Variants in ZZEF1 observed in about 807,000 individuals in gnomAD.
ZZEF1 encodes zinc finger ZZ-type and EF-hand domain-containing protein 1.
In ZZEF1, 157 loss-of-function variants were observed where a neutral mutation model predicts 342.8. That is an observed-to-expected ratio of 0.46 (90% CI 0.40 to 0.52). The LOEUF is 0.52. Among genes scored for constraint, ZZEF1 ranks in the 20% least tolerant of loss-of-function variants. ZZEF1 has a pLI of 0.00. For missense variants in ZZEF1, 3,480 were observed against 3,725.6 expected (o/e 0.93, Z 1.72); for synonymous variants, 1,505 against 1,429.1 (o/e 1.05, Z -1.20).
rs918433609 is a variant in ZZEF1 at position 4,004,919 on chromosome 17, G to C, written c.*1971C>G. ...AAGATCCCAGAACAGCAAGGGCAGT[G>C]GGCGGACAGGTGCTCTGGGGAGCCC... On this transcript the variant is annotated 3_prime_UTR_variant, in exon 55 of 55. Transcript: ENST00000381638. The C allele has an allele frequency of 2.0e-5, 3 of 152,358 alleles. No homozygotes were observed. Among genetic ancestry groups the C allele is most frequent in the Non-Finnish European group, 4.4e-5 (3 of 68,112 alleles). 9.4% of individuals were successfully genotyped at this position (152,358 alleles called of 1,614,324 possible). A position where few individuals can be genotyped will look rare whatever the true frequency, so the allele number is the denominator to read the frequency against.
At chr17:4,049,498 G>A (rs565506065) in intron 37 of ZZEF1, among the ~76,000 whole-genome samples, 5 of 152,244 alleles carry the variant, frequency 3.3e-5, no homozygotes, top group East Asian at 1.9e-4. Flanking sequence ...GGGTGACAGC[G>A]AGACCCTGTT....
intron 6 of ZZEF1, among the ~76,000 whole-genome samples, chr17:4,107,477 C>T (rs575052201): frequency 4.6e-5 from 7 of 152,184 alleles, no homozygotes; most frequent in African/African-American, 1.4e-4. Flanking sequence ...CACAAAGGTA[C>T]GGCCTGATAT....
At chr17:4,100,524 C>T (rs763886584) in intron 9 of ZZEF1, among the ~76,000 whole-genome samples, 13 of 152,198 alleles carry the variant, frequency 8.5e-5, no homozygotes, top group Non-Finnish European at 1.5e-4. Flanking sequence ...ATATTCAAAT[C>T]AGACCAGGCA....
Position 4,032,140 on chromosome 17 carries a change from C to G in ZZEF1, c.6878G>C (p.Arg2293Pro). Reference protein sequence around the residue: ...NRAVIVDVKTRKRKTVKDYQL... With the variant: ...NRAVIVDVKTPKRKTVKDYQL... ...ACGCATGGTACCTGTTTTCCTCTTC[C>G]GAGTTTTGACATCAACAATCACAGC... The change falls in exon 42 of 55, where the codon CGG becomes CCG. Residue 2293 changes from arginine (R) to proline (P), a missense_variant. Around this residue, in one of 5 missense-constraint regions of ZZEF1, gnomAD observed 1,269 missense variants for 1,342.4 expected, o/e 0.95. Coordinates refer to ENST00000381638, the MANE Select transcript of ZZEF1 (RefSeq NM_015113.4). 2 of 1,610,674 alleles carry G rather than the reference C, an allele frequency of 1.2e-6. No homozygotes were observed. The highest frequency in any genetic ancestry group is 1.7e-6 in the Non-Finnish European group (2 of 1,179,044).
chr17:4,043,252 G>A (rs1191851739), intron 38 of ZZEF1, among the ~76,000 whole-genome samples: 1 of 152,184 alleles, frequency 6.6e-6, no homozygotes, highest in Non-Finnish European at 1.5e-5. Context: ...ACCTAGAGGT[G>A]TTTCTGGAGC....
At chr17:4,087,914 A>G (rs1300299591) in intron 13 of ZZEF1, among the ~76,000 whole-genome samples, 1 of 151,970 alleles carries the variant, frequency 6.6e-6, no homozygotes, top group Non-Finnish European at 1.5e-5. Context: ...CAATATACTG[A>G]CGCCTTCCCC....
chr17:4,019,092 C>T (rs1488685411), intron 46 of ZZEF1, among the ~76,000 whole-genome samples: 2 of 151,846 alleles, frequency 1.3e-5, no homozygotes, highest in Non-Finnish European at 2.9e-5. Context: ...CCCTGCTTCA[C>T]CTCATAAAGG....
chr17:4,068,379 G>A (rs2057444032), intron 26 of ZZEF1, among the ~76,000 whole-genome samples: 1 of 152,032 alleles, frequency 6.6e-6, no homozygotes, highest in Non-Finnish European at 1.5e-5. Flanking sequence ...CCGGGTTCAA[G>A]CAATTCAAGC....
At position 4,010,364 on chromosome 17, in the gene ZZEF1, A is replaced by T. The variant is rs992354021; in HGVS notation, c.8580-607T>A. 5.9e-5 allele frequency among the ~76,000 whole-genome samples: 9 copies of T among 152,122 alleles called. No homozygotes were observed. The East Asian group carries it at 1.7e-3, about 29-fold the overall frequency. On this transcript the variant is annotated intron_variant, in intron 52 of 54. Transcript: ENST00000381638. ...GTGAGACCTTGTCTCTTAAAAAAAA[A>T]AAAGTTATGAAGACTTTCCAGTGAC...
At chr17:4,052,963 C>T (rs532049720) in intron 34 of ZZEF1, among the ~76,000 whole-genome samples, 1 of 152,302 alleles carries the variant, frequency 6.6e-6, no homozygotes, top group Admixed American at 6.5e-5. Context: ...CTCCTTCTCA[C>T]TCTAAGGCCC....
intron 2 of ZZEF1, 122 bp from the exon 3 acceptor site, chr17:4,117,288 T>C (rs1404956436): frequency 2.8e-6 from 2 of 723,208 alleles, no homozygotes; most frequent in South Asian, 1.9e-5. Flanking sequence ...TTCATTGATA[T>C]TTTCAGTTTT....
In ZZEF1 at chr17:4,095,819, T is replaced by C; in HGVS notation, c.1913+12A>G. 1 of 1,592,784 alleles carries C rather than the reference T, an allele frequency of 6.3e-7. No homozygotes were observed. The highest frequency in any genetic ancestry group is 1.4e-5 in the African/African-American group (1 of 73,812). On this transcript the variant is annotated intron_variant, in intron 11 of 54. Coordinates refer to ENST00000381638, the MANE Select transcript of ZZEF1 (RefSeq NM_015113.4). ...TAGATCTTTGTTCTACAAAGATTTT[T>C]TACCTTCTTACCTGCTTTTTACAAA...
At position 4,074,084 on chromosome 17, in the gene ZZEF1, G is replaced by A. The variant is rs113395757; in HGVS notation, c.3685+66C>T. 4.5e-3 allele frequency: 7,152 copies of A among 1,572,416 alleles called. 25 individuals carry two copies. Among genetic ancestry groups the A allele is most frequent in the Non-Finnish European group, 5.5e-3 (6,292 of 1,152,472 alleles). ...CATTACGTGGAAACGACCTACAAGAGGGCAAGCGCGCATCTTGCACTTCAC... is the reference window on the plus strand; with the variant it reads ...CATTACGTGGAAACGACCTACAAGAAGGCAAGCGCGCATCTTGCACTTCAC... On this transcript the variant is annotated intron_variant, in intron 24 of 54. Transcript: ENST00000381638.
Position 4,070,836 on chromosome 17 carries a change from G to A in ZZEF1, c.3923C>T (p.Ser1308Leu), listed in dbSNP as rs768443043. 6.2e-7 allele frequency: 1 copy of A among 1,614,088 alleles called. No individual in the cohort carries two copies. Among genetic ancestry groups the A allele is most frequent in the Non-Finnish European group, 8.5e-7 (1 of 1,180,034 alleles). Reference protein sequence around the residue: ...EPAQNFCGPYSELFKGFIQAC... With the variant: ...EPAQNFCGPYLELFKGFIQAC... ...CTGTATGAATCCTTTGAAAAGTTCT[G>A]AATATGGCCCACAGAAGTTCTGAGC... Residue 1308 changes from serine to leucine, a missense_variant, in exon 26 of 55, where the codon TCA becomes TTA. Physicochemically the swap from Ser to Leu is moderately radical, Grantham distance 145. Around this residue, in one of 5 missense-constraint regions of ZZEF1, gnomAD observed 1,528 missense variants for 1,624.1 expected, o/e 0.94. Coordinates refer to ENST00000381638, the MANE Select transcript of ZZEF1 (RefSeq NM_015113.4).
At chr17:4,062,017 C>T (rs2057296131) in intron 30 of ZZEF1, among the ~76,000 whole-genome samples, 1 of 152,188 alleles carries the variant, frequency 6.6e-6, no homozygotes, top group Non-Finnish European at 1.5e-5. Flanking sequence ...AAATACTTTA[C>T]AGTGATAAGG....
intron 1 of ZZEF1, among the ~76,000 whole-genome samples, chr17:4,131,896 G>A (rs1004958574): frequency 9.9e-5 from 15 of 152,272 alleles, no homozygotes; most frequent in African/African-American, 2.2e-4. Flanking sequence ...GAATTGTAGC[G>A]GGAGGACAGG....
chr17:4,086,327 CTGGGGGATTCCCACAGCGGCAATCCCT>C (rs2145358341), intron 15 of ZZEF1, among the ~76,000 whole-genome samples, 132 bp downstream of exon 15: 1 of 136,298 alleles, frequency 7.3e-6, no homozygotes, highest in African/African-American at 3.2e-5. Context: ...CAATCCCTTT[CTGGGGGATTCCCACAGCGGCAATCCCT>C]TTCTGGGGGA....
At chr17:4,009,555 C>G in intron 53 of ZZEF1, 49 bp downstream of exon 53, 1 of 1,608,722 alleles carries the variant, frequency 6.2e-7, no homozygotes, top group Non-Finnish European at 8.5e-7. Context: ...GCAGAGGGAG[C>G]AAACGCACAT....
intron 14 of ZZEF1, 27 bp from the exon 15 acceptor site, chr17:4,086,682 A>G (rs773760149): frequency 1.2e-6 from 2 of 1,611,904 alleles, no homozygotes; most frequent in Non-Finnish European, 1.7e-6. Context: ...AACATCAGAG[A>G]GCAAAAGGGC....
Sources: allele counts gnomAD v4.1 joint callset (sites outside exome capture counted in the v4.1 genomes callset), GRCh38; gene constraint gnomAD v4.1.1; regional missense constraint gnomAD v4.1.1; transcripts MANE v1.5; gene names NCBI Gene and HGNC (gene_info 2026-07-23, HGNC 2026-07-21).